The following ELOVL6 variants were observed in gnomAD, a reference collection of about 807,000 sequenced individuals.
The protein encoded by ELOVL6 is ELOVL fatty acid elongase 6, also known as very long chain fatty acid elongase 6.
Under a neutral mutation model 31.7 loss-of-function variants are expected in ELOVL6, and 8 were observed. The ratio of observed to expected loss-of-function variants is 0.25; its 90% confidence interval spans 0.15 to 0.45. ELOVL6 has a LOEUF of 0.45. ELOVL6 is among the 20% of genes least tolerant of loss of function. The probability of loss-of-function intolerance (pLI) is 1.00; values close to 1 mark genes in which losing one functional copy is unlikely to be tolerated. For synonymous variants in ELOVL6, 101 were observed against 117.7 expected (o/e 0.86, Z 0.92); for missense variants, 126 against 326.4 (o/e 0.39, Z 4.73).
chr4:110,177,856 A>C (rs994981756), intron 1 of ELOVL6, among the ~76,000 whole-genome samples: 1 of 152,192 alleles, frequency 6.6e-6, no homozygotes, highest in Admixed American at 6.5e-5. Flanking sequence ...GATTGGCATA[A>C]ATGTTCTTCA....
At chr4:110,103,989 C>T (rs1043558913) in intron 2 of ELOVL6, among the ~76,000 whole-genome samples, 11 of 152,052 alleles carry the variant, frequency 7.2e-5, no homozygotes, top group Admixed American at 2.6e-4. Flanking sequence ...ATTAATAGTT[C>T]CAAATAATTT....
chr4:110,158,657 A>ATATATATATATATATATATTTTTTTTT, intron 1 of ELOVL6, among the ~76,000 whole-genome samples: 1 of 74,160 alleles, frequency 1.3e-5, no homozygotes, highest in Non-Finnish European at 2.3e-5. Context: ...ATATATATAT[A>ATATATATATATATATATATTTTTTTTT]TTTTTTTTTT....
Position 110,051,611 on chromosome 4 carries a change from G to A in ELOVL6, c.525C>T (p.Ala175=), listed in dbSNP as rs201251349. ...GCAAGGCATAGTAAGAGTACATCAC[G>A]GCGTGCACGCCATAGTTCATAGTCA... ...WFMTMNYGVH[A]VMYSYYALRA... is the part of the protein sequence containing the mutation. Residue 175 remains alanine (A), a synonymous_variant, in exon 4 of 4, where the codon GCC becomes GCT. Transcript: ENST00000302274. This position sits in a 1 kb window ranked among gnomAD's most constrained non-coding sequence, Gnocchi z 4.8. The A allele has an allele frequency of 7.4e-6, 12 of 1,614,172 alleles. No homozygotes were observed. Among genetic ancestry groups the A allele is most frequent in the Middle Eastern group, 1.7e-4 (1 of 6,060 alleles).
At chr4:110,159,893 T>C (rs1455666621) in intron 1 of ELOVL6, among the ~76,000 whole-genome samples, 1 of 152,182 alleles carries the variant, frequency 6.6e-6, no homozygotes, top group Non-Finnish European at 1.5e-5. Context: ...TATTTAGGCA[T>C]TTTTTCACAT....
At position 110,176,923 on chromosome 4, in the gene ELOVL6, C is replaced by G. The variant is rs149008933; in HGVS notation, c.89+21324G>C. Among the ~76,000 whole-genome samples, 801 of 152,262 alleles carry G rather than the reference C, an allele frequency of 5.3e-3. 5 individuals carry two copies. The highest frequency in any genetic ancestry group is 0.018 in the African/African-American group (735 of 41,552). ...GCTAATTTTGTATTTTTAGAAGAGACAGGGTTTCTCCATGTTGGTCAGACT... is the reference window on the plus strand; with the variant it reads ...GCTAATTTTGTATTTTTAGAAGAGAGAGGGTTTCTCCATGTTGGTCAGACT... On this transcript the variant is annotated intron_variant, in intron 1 of 3. Coordinates refer to ENST00000302274, the MANE Select transcript of ELOVL6 (RefSeq NM_024090.3).
At chr4:110,072,226 C>T (rs1403528217) in intron 2 of ELOVL6, among the ~76,000 whole-genome samples, 2 of 152,162 alleles carry the variant, frequency 1.3e-5, no homozygotes, top group African/African-American at 4.8e-5. Context: ...ACCTGTAATC[C>T]CAGCACTTTG....
chr4:110,105,317 T>C (rs1312742458), intron 2 of ELOVL6, among the ~76,000 whole-genome samples, 180 bp downstream of exon 2: 1 of 152,238 alleles, frequency 6.6e-6, no homozygotes, highest in African/African-American at 2.4e-5. Flanking sequence ...TATATAAGGT[T>C]GAATACATCA....
At position 110,047,224 on chromosome 4, in the gene ELOVL6, C is replaced by G. The variant is rs1486126145; in HGVS notation, c.*4114G>C. On this transcript the variant is annotated 3_prime_UTR_variant, in exon 4 of 4. Coordinates refer to ENST00000302274, the MANE Select transcript of ELOVL6 (RefSeq NM_024090.3). ...GTGGACATGGACCATGCTTATACAA[C>G]TTAAAGCTCTGAACTCTGAGAGGCA... 1 of 151,940 alleles carries G rather than the reference C, an allele frequency of 6.6e-6. No individual in the cohort carries two copies. Among genetic ancestry groups the G allele is most frequent in the Non-Finnish European group, 1.5e-5 (1 of 68,008 alleles). The allele number at this position is 151,940 out of a possible 1,614,324, so 9.4% of individuals were successfully genotyped here.
chr4:110,139,554 T>C (rs1481584548), intron 1 of ELOVL6, among the ~76,000 whole-genome samples: 3 of 152,186 alleles, frequency 2.0e-5, no homozygotes, highest in Admixed American at 2.0e-4. Context: ...CTAATATATA[T>C]CTCCATTTTT....
At chr4:110,185,212 A>C (rs1759403356) in intron 1 of ELOVL6, among the ~76,000 whole-genome samples, 1 of 152,228 alleles carries the variant, frequency 6.6e-6, no homozygotes, top group Non-Finnish European at 1.5e-5. Context: ...ATACAGGTTC[A>C]AAAAAAGTAT....
At chr4:110,145,742 T>C (rs1209486793) in intron 1 of ELOVL6, among the ~76,000 whole-genome samples, 1 of 150,546 alleles carries the variant, frequency 6.6e-6, no homozygotes, top group Non-Finnish European at 1.5e-5. Flanking sequence ...TAACAAAATA[T>C]GTCACTCCTA....
At position 110,087,815 on chromosome 4, in the gene ELOVL6, A is replaced by C. The variant is rs1237086008; in HGVS notation, c.221+17682T>G. ...CTAAAATAAAATTGTAAAAAAAAAA[A>C]AAACCTCCTATTTTCTAGTTGGTTT... is the stretch of plus-strand genomic sequence containing the variant. On this transcript the variant is annotated intron_variant, in intron 2 of 3. Coordinates refer to ENST00000302274, the MANE Select transcript of ELOVL6 (RefSeq NM_024090.3). Among the ~76,000 whole-genome samples the C allele has an allele frequency of 3.8e-4, 58 of 151,722 alleles. 1 individual carries two copies. The highest frequency in any genetic ancestry group is 1.1e-3 in the African/African-American group (45 of 41,520).
chr4:110,172,474 G>A (rs1286220305), intron 1 of ELOVL6, among the ~76,000 whole-genome samples: 1 of 152,090 alleles, frequency 6.6e-6, no homozygotes, highest in Non-Finnish European at 1.5e-5. Flanking sequence ...AGTACCCCCA[G>A]CAACTTTATA....
chr4:110,134,377 T>C (rs148228367), intron 1 of ELOVL6, among the ~76,000 whole-genome samples: 3 of 152,164 alleles, frequency 2.0e-5, no homozygotes, highest in East Asian at 1.9e-4. Context: ...TTGGGAGGGA[T>C]AGAAGTATTA....
chr4:110,159,691 A>T (rs1168268719), intron 1 of ELOVL6, among the ~76,000 whole-genome samples: 1 of 152,152 alleles, frequency 6.6e-6, no homozygotes, highest in Non-Finnish European at 1.5e-5. Flanking sequence ...AACACATGAG[A>T]CGTTGGTGTT....
intron 3 of ELOVL6, 21 bp downstream of exon 3, chr4:110,059,582 G>C: frequency 6.2e-7 from 1 of 1,605,500 alleles, no homozygotes; most frequent in Non-Finnish European, 8.5e-7. Flanking sequence ...AGAGGGAGAG[G>C]AAATGGAAGA....
chr4:110,175,298 G>A (rs569837708), intron 1 of ELOVL6, among the ~76,000 whole-genome samples: 4 of 151,966 alleles, frequency 2.6e-5, no homozygotes, highest in Admixed American at 1.3e-4. Flanking sequence ...CATGAAAATC[G>A]CTTGACCCCA....
intron 1 of ELOVL6, among the ~76,000 whole-genome samples, chr4:110,152,146 C>A (rs373310878): frequency 1.2e-4 from 19 of 152,126 alleles, no homozygotes; most frequent in African/African-American, 4.3e-4. Flanking sequence ...TATGCCCCCC[C>A]AAAATATCTT....
intron 1 of ELOVL6, among the ~76,000 whole-genome samples, chr4:110,183,116 A>G (rs1759338423): frequency 2.0e-5 from 3 of 152,164 alleles, no homozygotes; most frequent in Non-Finnish European, 4.4e-5. Context: ...AGATGACTTT[A>G]TTTAAAAAAC....
Sources: gnomAD v4.1 joint callset for allele counts (sites outside exome capture counted in the v4.1 genomes callset) on GRCh38, gnomAD v4.1.1 for gene constraint, Gnocchi (gnomAD v3.1) non-coding constraint, MANE v1.5 for transcripts, NCBI Gene and HGNC (gene_info 2026-07-23, HGNC 2026-07-21) for gene names.